Variants in CACNA1B observed in about 807,000 individuals in gnomAD.
The protein encoded by CACNA1B is voltage-dependent N-type calcium channel subunit alpha-1B.
CACNA1B carries 70 observed loss-of-function variants against 247.2 expected under a neutral mutation model. The observed-to-expected ratio is 0.28, with a 90% CI of 0.23 to 0.35. CACNA1B has a LOEUF of 0.35. Among genes scored for constraint, CACNA1B ranks in the 10% least tolerant of loss-of-function variants. The pLI is 1.00. For synonymous variants in CACNA1B, 1,231 were observed against 1,294.4 expected (o/e 0.95, Z 1.05); for missense variants, 2,367 against 3,197.4 (o/e 0.74, Z 6.26).
rs1962174514 is a variant in CACNA1B, at chr9:138,123,590, CTG to C, written c.*1595_*1596del. 7.0e-6 allele frequency: 1 copy of C among 142,584 alleles called. No homozygotes were observed. Among genetic ancestry groups the C allele is most frequent in the Non-Finnish European group, 1.5e-5 (1 of 64,556 alleles). 8.8% of individuals were successfully genotyped at this position (142,584 alleles called of 1,614,324 possible). A position where few individuals can be genotyped will look rare whatever the true frequency, so the allele number is the denominator to read the frequency against. ...TGTGTGTGTGTGTGTGTGTGTGTGT[CTG>C]TGTCACAGGAGATGCAGTGCCTGTA... is the stretch of plus-strand genomic sequence containing the variant. On this transcript the variant is annotated 3_prime_UTR_variant, in exon 47 of 47. Coordinates refer to ENST00000371372, the MANE Select transcript of CACNA1B (RefSeq NM_000718.4).
At chr9:138,076,284 G>A (rs548441790) in intron 35 of CACNA1B, among the ~76,000 whole-genome samples, 43 of 152,280 alleles carry the variant, frequency 2.8e-4, no homozygotes, top group African/African-American at 7.7e-4. Flanking sequence ...CTTGAAGTGC[G>A]GGCCTCCAGC....
intron 36 of CACNA1B, among the ~76,000 whole-genome samples, chr9:138,090,332 A>G (rs573146466): frequency 2.6e-5 from 4 of 152,256 alleles, no homozygotes; most frequent in Non-Finnish European, 4.4e-5. Flanking sequence ...AAACGATGGT[A>G]GGGAAACTAG....
chr9:138,112,702 G>A (rs919154185), intron 40 of CACNA1B, among the ~76,000 whole-genome samples, 197 bp downstream of exon 40: 10 of 152,224 alleles, frequency 6.6e-5, no homozygotes, highest in Admixed American at 5.9e-4. Flanking sequence ...ATGAGCGTGG[G>A]TTTGTTGTGT....
At position 137,917,098 on chromosome 9, in the gene CACNA1B, TG is replaced by T; in HGVS notation, c.776-141del. The T allele has an allele frequency of 1.5e-6, 1 of 679,978 alleles. No homozygotes were observed. The highest frequency in any genetic ancestry group is 2.5e-6 in the Non-Finnish European group (1 of 407,034). 42.1% of individuals were successfully genotyped at this position (679,978 alleles called of 1,614,324 possible). ...TGCCTGATGCAGATTCGAGGAGGGATGGTGGGAAGTTGAGGGAGAGTTTCTG... is the reference window on the plus strand; with the variant it reads ...TGCCTGATGCAGATTCGAGGAGGGATGTGGGAAGTTGAGGGAGAGTTTCTG... On this transcript the variant is annotated intron_variant, in intron 5 of 46. Coordinates refer to ENST00000371372, the MANE Select transcript of CACNA1B (RefSeq NM_000718.4). This position sits in a 1 kb window ranked among gnomAD's most constrained non-coding sequence, Gnocchi z 5.5.
intron 31 of CACNA1B, among the ~76,000 whole-genome samples, chr9:138,065,576 T>C (rs947003715): frequency 6.6e-6 from 1 of 152,170 alleles, no homozygotes; most frequent in African/African-American, 2.4e-5. Flanking sequence ...GCCCTTCCTT[T>C]CTGGGTGCTG....
intron 35 of CACNA1B, among the ~76,000 whole-genome samples, chr9:138,077,091 C>G (rs1043193521): frequency 6.6e-6 from 1 of 152,212 alleles, no homozygotes; most frequent in Admixed American, 6.5e-5. Context: ...TTCTGTTTCT[C>G]CCTGAACTTC....
intron 5 of CACNA1B, among the ~76,000 whole-genome samples, chr9:137,916,914 G>A (rs996515244): frequency 2.3e-4 from 35 of 152,198 alleles, no homozygotes; most frequent in Non-Finnish European, 2.4e-4. Flanking sequence ...TCAGGGTGGT[G>A]GGAAGAATGG....
At chr9:137,930,992 G>C (rs897409505) in intron 6 of CACNA1B, among the ~76,000 whole-genome samples, 6 of 151,942 alleles carry the variant, frequency 3.9e-5, no homozygotes, top group Non-Finnish European at 8.8e-5. Flanking sequence ...ACCCAGGATG[G>C]AGTTTAGTGG....
chr9:137,930,402 T>C (rs912590096), intron 6 of CACNA1B, among the ~76,000 whole-genome samples: 2 of 152,244 alleles, frequency 1.3e-5, no homozygotes, highest in African/African-American at 4.8e-5. Flanking sequence ...GAGAGTTACC[T>C]GTTATCTTTC....
At chr9:138,034,577 G>A (rs1453867139) in intron 20 of CACNA1B, among the ~76,000 whole-genome samples, 1 of 151,698 alleles carries the variant, frequency 6.6e-6, no homozygotes, top group South Asian at 2.1e-4. Context: ...GGTTTATTGA[G>A]CCTTTAAAAA....
Position 137,935,327 on chromosome 9 carries a change from C to T in CACNA1B, c.967-16947C>T, listed in dbSNP as rs556422324. Among the ~76,000 whole-genome samples, 13 of 152,184 alleles carry T rather than the reference C, an allele frequency of 8.5e-5. No individual in the cohort carries two copies. The East Asian group carries it at 1.7e-3, about 20-fold the overall frequency. On this transcript the variant is annotated intron_variant, in intron 6 of 46. Coordinates refer to ENST00000371372, the MANE Select transcript of CACNA1B (RefSeq NM_000718.4). ...GTCCAAGTGTTCTCATTGTTCAATT[C>T]CCACCTGTGAGTGAGAACATGCGGT... is the stretch of plus-strand genomic sequence containing the variant.
intron 11 of CACNA1B, 39 bp from the exon 12 acceptor site, chr9:137,975,868 G>T: frequency 7.9e-7 from 1 of 1,262,620 alleles, no homozygotes; most frequent in Non-Finnish European, 1.1e-6. Flanking sequence ...AGTGGGAGGA[G>T]GCCTCGAGCT....
intron 20 of CACNA1B, among the ~76,000 whole-genome samples, chr9:138,033,547 C>T (rs766324153): frequency 3.9e-5 from 6 of 152,146 alleles, no homozygotes; most frequent in African/African-American, 7.2e-5. Flanking sequence ...TGTGATGCCA[C>T]GCCAGCAAGT....
intron 39 of CACNA1B, among the ~76,000 whole-genome samples, chr9:138,108,881 C>T (rs1210097334): frequency 6.6e-6 from 1 of 152,180 alleles, no homozygotes; most frequent in Non-Finnish European, 1.5e-5. Context: ...CATCTCCTGA[C>T]CTCGTGATCC....
rs751300582 is a variant in CACNA1B, at chr9:137,882,072, C to T, written c.391-672C>T. ...TGTGGCGGTCGTCGCTCAGCACACT[C>T]AGGGCTGAGGTTGTGCTTCTCATTT... On this transcript the variant is annotated intron_variant, in intron 2 of 46. Transcript: ENST00000371372. This position sits in a 1 kb window ranked among gnomAD's most constrained non-coding sequence, Gnocchi z 4.0. Among the ~76,000 whole-genome samples the T allele has an allele frequency of 6.6e-6, 1 of 152,184 alleles. No homozygotes were observed. The highest frequency in any genetic ancestry group is 1.5e-5 in the Non-Finnish European group (1 of 68,032).
At chr9:137,897,173 T>G (rs1957182577) in intron 3 of CACNA1B, among the ~76,000 whole-genome samples, 2 of 152,202 alleles carry the variant, frequency 1.3e-5, no homozygotes, top group Non-Finnish European at 2.9e-5. Context: ...ACTTCCTTCA[T>G]TCTGTTTGAT....
chr9:137,954,597 T>C lies in CACNA1B; in HGVS notation c.1071-1101T>C, dbSNP rs1456983551. ...CCCAGGCCCTCTCATTCTCAGGGCA[T>C]GGCCACAGGGATTGGTCTGGGTGGG... On this transcript the variant is annotated intron_variant, in intron 7 of 46. Transcript: ENST00000371372. This position sits in a 1 kb window ranked among gnomAD's most constrained non-coding sequence, Gnocchi z 4.1. Among the ~76,000 whole-genome samples the C allele has an allele frequency of 6.6e-6, 1 of 152,104 alleles. No homozygotes were observed. Among genetic ancestry groups the C allele is most frequent in the Admixed American group, 6.5e-5 (1 of 15,276 alleles).
intron 36 of CACNA1B, 52 bp downstream of exon 36, chr9:138,078,310 G>C: frequency 6.4e-7 from 1 of 1,572,164 alleles, no homozygotes; most frequent in Non-Finnish European, 8.7e-7. Context: ...TCTCGGTACA[G>C]CTCAGGCTTC....
Position 138,053,744 on chromosome 9 carries a change from C to T in CACNA1B, c.3808-102C>T, listed in dbSNP as rs867913203. The T allele has an allele frequency of 1.6e-5, 12 of 735,072 alleles. No homozygotes were observed. The East Asian group carries it at 1.9e-4, about 12-fold the overall frequency. The allele number at this position is 735,072 out of a possible 1,614,324, so 45.5% of individuals were successfully genotyped here. A position where few individuals can be genotyped will look rare whatever the true frequency, so the allele number is the denominator to read the frequency against. ...TCCCACCTTGGCTTCACCCCCTCAT[C>T]GTGGCTCCACCCCTCCCCGTGACCC... On this transcript the variant is annotated intron_variant, in intron 25 of 46. Transcript: ENST00000371372.
Sources: allele counts gnomAD v4.1 joint callset (sites outside exome capture counted in the v4.1 genomes callset), GRCh38; gene constraint gnomAD v4.1.1; non-coding constraint Gnocchi (gnomAD v3.1); transcripts MANE v1.5; gene names NCBI Gene and HGNC (gene_info 2026-07-23, HGNC 2026-07-21).